The following RPRD1B variants were observed in gnomAD, a reference collection of about 807,000 sequenced individuals.
The protein encoded by RPRD1B is regulation of nuclear pre-mRNA domain containing 1B.
A neutral mutation model predicts 41.5 loss-of-function variants in RPRD1B; 11 were observed. That is an observed-to-expected ratio of 0.27 (90% CI 0.17 to 0.44). RPRD1B has a LOEUF of 0.44. Ranked by LOEUF, RPRD1B falls within the 20% of genes least tolerant of loss-of-function variation. RPRD1B has a pLI of 1.00. For synonymous variants in RPRD1B, 158 were observed against 155.6 expected, an observed-to-expected ratio of 1.02 and a Z score of -0.12; for missense variants, 248 against 389.9, an observed-to-expected ratio of 0.64 and a Z score of 3.06.
chr20:38,068,634 A>G (rs2074382283), intron 6 of RPRD1B, among the ~76,000 whole-genome samples: 1 of 152,196 alleles, frequency 6.6e-6, no homozygotes, highest in Admixed American at 6.5e-5. Context: ...TCCTGACGTC[A>G]AGTGATCTGG....
rs1244617178 is a variant in RPRD1B, at chr20:38,089,733, A to G, written c.839A>G (p.Lys280Arg). The change falls in exon 7 of 7, where the codon AAA becomes AGA. Residue 280 changes from lysine (K) to arginine (R), a missense_variant. Coordinates refer to ENST00000373433, the MANE Select transcript of RPRD1B (RefSeq NM_021215.4). ...SEKEKKLEEY[K>R]QKLARVTQVR... ...TTCTCTTTATCTCCTTAGGAATACA[A>G]ACAGAAGCTTGCACGAGTAACCCAG... The G allele has an allele frequency of 2.5e-6, 4 of 1,613,888 alleles. No homozygotes were observed. In the Admixed American group the frequency reaches 5.0e-5, roughly 20 times the overall value.
intron 6 of RPRD1B, among the ~76,000 whole-genome samples, chr20:38,066,585 G>GA (rs1229663859): frequency 1.3e-5 from 2 of 152,100 alleles, no homozygotes; most frequent in Non-Finnish European, 2.9e-5. Context: ...GCAAATCAGT[G>GA]AAAACCAAAG....
At chr20:38,080,613 C>G (rs2074503899) in intron 6 of RPRD1B, among the ~76,000 whole-genome samples, 1 of 152,200 alleles carries the variant, frequency 6.6e-6, no homozygotes, top group African/African-American at 2.4e-5. Context: ...GCAACCTCCG[C>G]CTCCCAGATT....
At chr20:38,044,650 A>C (rs1252826287) in intron 2 of RPRD1B, among the ~76,000 whole-genome samples, 2 of 152,156 alleles carry the variant, frequency 1.3e-5, no homozygotes, top group East Asian at 3.9e-4. Context: ...CTGGGATTAC[A>C]GGCGTCAGCC....
chr20:38,065,999 G>C lies in RPRD1B; in HGVS notation c.656-82G>C, dbSNP rs138163206. 2.5e-5 allele frequency: 35 copies of C among 1,390,234 alleles called. No homozygotes were observed. In the East Asian group the frequency reaches 7.6e-4, roughly 30 times the overall value. The allele number at this position is 1,390,234 out of a possible 1,614,324, so 86.1% of individuals were successfully genotyped here. A position where few individuals can be genotyped will look rare whatever the true frequency, so the allele number is the denominator to read the frequency against. ...GACTCTGTATATTGGGAGAGAAACC[G>C]TTAACCTCCCCCAGAAATGTTTGTA... On this transcript the variant is annotated intron_variant, in intron 5 of 6. Coordinates refer to ENST00000373433, the MANE Select transcript of RPRD1B (RefSeq NM_021215.4).
rs1223071228 is a variant in RPRD1B at position 38,092,294 on chromosome 20, TGGC to T, written c.*2423_*2425del. The T allele has an allele frequency of 3.1e-5, 31 of 985,076 alleles. No individual in the cohort carries two copies. The highest frequency in any genetic ancestry group is 2.4e-4 in the South Asian group (5 of 21,272). The allele number at this position is 985,076 out of a possible 1,614,324, so 61.0% of individuals were successfully genotyped here. A position where few individuals can be genotyped will look rare whatever the true frequency, so the allele number is the denominator to read the frequency against. On this transcript the variant is annotated 3_prime_UTR_variant, in exon 7 of 7. Coordinates refer to ENST00000373433, the MANE Select transcript of RPRD1B (RefSeq NM_021215.4). ...ACTATTTAGAAGTATAGGCTGTCGT[TGGC>T]GGCAGCAGTATATTCTGAAATGTCT...
At chr20:38,089,430 A>G (rs1378050390) in intron 6 of RPRD1B, among the ~76,000 whole-genome samples, 1 of 152,220 alleles carries the variant, frequency 6.6e-6, no homozygotes, top group Non-Finnish European at 1.5e-5. Flanking sequence ...TTGAGAACCA[A>G]CAAAAAGAGA....
chr20:38,081,816 T>C (rs2074515280), intron 6 of RPRD1B, among the ~76,000 whole-genome samples: 1 of 152,214 alleles, frequency 6.6e-6, no homozygotes, highest in South Asian at 2.1e-4. Flanking sequence ...TTTGAAATGA[T>C]GATGAAGTTT....
rs140045385 is a variant in RPRD1B, at chr20:38,053,868, A to G, written c.416-3664A>G. ...TATAATCTAGACACAAAGTATACGG[A>G]AGGATGTGTGCGTAAGTTATATATA... On this transcript the variant is annotated intron_variant, in intron 3 of 6. Coordinates refer to ENST00000373433, the MANE Select transcript of RPRD1B (RefSeq NM_021215.4). Among the ~76,000 whole-genome samples the G allele has an allele frequency of 7.1e-3, 1,079 of 152,290 alleles. 5 individuals are homozygous for G. The highest frequency in any genetic ancestry group is 0.021 in the African/African-American group (863 of 41,546).
At chr20:38,078,589 G>C (rs992102447) in intron 6 of RPRD1B, among the ~76,000 whole-genome samples, 1 of 152,096 alleles carries the variant, frequency 6.6e-6, no homozygotes, top group Non-Finnish European at 1.5e-5. Context: ...TGTCACTCAG[G>C]CATGTCCAAC....
chr20:38,044,564 C>T (rs919915346), intron 2 of RPRD1B, among the ~76,000 whole-genome samples: 5 of 151,950 alleles, frequency 3.3e-5, no homozygotes, highest in Admixed American at 6.6e-5. Flanking sequence ...TTAGTAGAGA[C>T]GGAGTTTCAC....
intron 6 of RPRD1B, among the ~76,000 whole-genome samples, chr20:38,072,645 A>G (rs2074423685): frequency 6.6e-6 from 1 of 152,226 alleles, no homozygotes; most frequent in Non-Finnish European, 1.5e-5. Flanking sequence ...GCTCATGAAC[A>G]GGGGATGTCT....
chr20:38,072,133 G>A (rs1039756951), intron 6 of RPRD1B, among the ~76,000 whole-genome samples: 5 of 152,134 alleles, frequency 3.3e-5, no homozygotes, highest in African/African-American at 9.7e-5. Flanking sequence ...TCTTCTAGAA[G>A]TTTTATAATT....
chr20:38,070,422 C>G lies in RPRD1B; in HGVS notation c.831+4166C>G, dbSNP rs972536394. Reference sequence around the variant, plus strand: ...GAATGTGGAGGGTATAGAAGAAAGCCCATTCAGAAAGGCAAAGGCCAAAGA... The same window carrying G: ...GAATGTGGAGGGTATAGAAGAAAGCGCATTCAGAAAGGCAAAGGCCAAAGA... On this transcript the variant is annotated intron_variant, in intron 6 of 6. Transcript: ENST00000373433. 5 of 985,304 alleles carry G rather than the reference C, an allele frequency of 5.1e-6. No homozygotes were observed. In the African/African-American group the frequency reaches 7.0e-5, roughly 14 times the overall value. The allele number at this position is 985,304 out of a possible 1,614,324, so 61.0% of individuals were successfully genotyped here.
In RPRD1B at chr20:38,091,174, A is replaced by G. The variant is rs1337274410; in HGVS notation, c.*1299A>G. The G allele has an allele frequency of 1.0e-6, 1 of 985,752 alleles. No individual in the cohort carries two copies. Among genetic ancestry groups the G allele is most frequent in the Non-Finnish European group, 1.2e-6 (1 of 829,928 alleles). The allele number at this position is 985,752 out of a possible 1,614,324, so 61.1% of individuals were successfully genotyped here. A position where few individuals can be genotyped will look rare whatever the true frequency, so the allele number is the denominator to read the frequency against. ...GAAAGGGCAGAAAGCGATTTGCCCC[A>G]GTAGTGTAATAGGAGTTATAGACCA... is the stretch of plus-strand genomic sequence containing the variant. On this transcript the variant is annotated 3_prime_UTR_variant, in exon 7 of 7. Coordinates refer to ENST00000373433, the MANE Select transcript of RPRD1B (RefSeq NM_021215.4).
intron 2 of RPRD1B, among the ~76,000 whole-genome samples, chr20:38,046,366 C>T (rs2074121109): frequency 6.6e-6 from 1 of 152,030 alleles, no homozygotes; most frequent in Non-Finnish European, 1.5e-5. Flanking sequence ...TATTACTTAC[C>T]GAAACCCATA....
intron 5 of RPRD1B, among the ~76,000 whole-genome samples, chr20:38,060,743 A>T (rs1428264789): frequency 6.6e-6 from 1 of 151,868 alleles, no homozygotes. Context: ...CTGCTTTCCC[A>T]CCCCAGGAAT....
intron 3 of RPRD1B, among the ~76,000 whole-genome samples, chr20:38,051,457 T>TA (rs1301370871): frequency 6.6e-6 from 1 of 152,226 alleles, no homozygotes; most frequent in Non-Finnish European, 1.5e-5. Context: ...CTTTTCATAT[T>TA]AATTTGTTTT....
chr20:38,078,133 A>T (rs900110346), intron 6 of RPRD1B, among the ~76,000 whole-genome samples: 10 of 151,336 alleles, frequency 6.6e-5, no homozygotes, highest in Non-Finnish European at 1.0e-4. Flanking sequence ...GTGCCACTGC[A>T]CTTCAGCCTG....
Sources: allele counts gnomAD v4.1 joint callset (sites outside exome capture counted in the v4.1 genomes callset), GRCh38; gene constraint gnomAD v4.1.1; transcripts MANE v1.5; gene names NCBI Gene and HGNC (gene_info 2026-07-23, HGNC 2026-07-21).